Variants in ZRANB1 observed in about 807,000 individuals in gnomAD.
ZRANB1 encodes the protein zinc finger RANBP2-type containing 1.
In ZRANB1, 16 loss-of-function variants were observed where a neutral mutation model predicts 80.5. That is an observed-to-expected ratio of 0.20 (90% CI 0.13 to 0.30). ZRANB1 has a LOEUF of 0.30. Ranked by LOEUF, ZRANB1 falls within the 10% of genes least tolerant of loss-of-function variation. The pLI is 1.00. For synonymous variants in ZRANB1, 291 were observed against 293.1 expected (o/e 0.99, Z 0.07); for missense variants, 576 against 862.6 (o/e 0.67, Z 4.16).
upstream of ZRANB1, chr10:124,940,696 C>A: frequency 2.3e-6 from 1 of 426,690 alleles, no homozygotes; most frequent in Non-Finnish European, 3.9e-6. Context: ...AAGATTTAGG[C>A]CAGGCGTGGT....
At chr10:124,955,100 G>A (rs1951678185) in intron 1 of ZRANB1, among the ~76,000 whole-genome samples, 1 of 150,852 alleles carries the variant, frequency 6.6e-6, no homozygotes, top group South Asian at 2.2e-4. Context: ...CTGCACTCCA[G>A]CCTGGGCCAC....
At chr10:124,919,862 C>T in the ZRANB1 span, among the ~76,000 whole-genome samples, 2 of 148,292 alleles carry the variant, frequency 1.3e-5, no homozygotes, top group Admixed American at 6.7e-5. Flanking sequence ...CCACCCGCCT[C>T]GGCCTCCCAG....
chr10:124,984,947 A>G lies in ZRANB1; in HGVS notation c.2082A>G (p.Thr694=), dbSNP rs375188956. 6.2e-7 allele frequency: 1 copy of G among 1,613,844 alleles called. No homozygotes were observed. The highest frequency in any genetic ancestry group is 8.5e-7 in the Non-Finnish European group (1 of 1,179,976). ...LDRYRQIRPC[T]SLSDGEEDED... ...GCTACCGACAGATCCGGCCGTGTAC[A>G]TCCCTGTCTGATGGAGAGGAAGATG... Residue 694 remains threonine (T), a synonymous_variant, in exon 9 of 9, where the codon ACA becomes ACG. Transcript: ENST00000359653.
chr10:124,978,707 C>T (rs1186461463), intron 5 of ZRANB1, among the ~76,000 whole-genome samples: 1 of 151,848 alleles, frequency 6.6e-6, no homozygotes, highest in Non-Finnish European at 1.5e-5. Context: ...CTCACTGTAA[C>T]CTTATACCTT....
At chr10:124,940,657 G>C, upstream of ZRANB1, 1 of 627,968 alleles carries the variant, frequency 1.6e-6, no homozygotes, top group Admixed American at 2.9e-5. Flanking sequence ...TGGCAGGCAG[G>C]AACATAATAC....
chr10:124,938,232 T>C (rs929225855), upstream of ZRANB1, among the ~76,000 whole-genome samples: 1 of 152,188 alleles, frequency 6.6e-6, no homozygotes, highest in African/African-American at 2.4e-5. Flanking sequence ...TTTGTAATAC[T>C]GCAAAAAAAC....
At chr10:124,923,525 G>A in the ZRANB1 span, among the ~76,000 whole-genome samples, 28 of 152,074 alleles carry the variant, frequency 1.8e-4, no homozygotes, top group African/African-American at 6.3e-4. Context: ...CCAGGAGGTG[G>A]AGGTTGCAGT....
intron 1 of ZRANB1, chr10:124,962,304 C>A: frequency 1.2e-6 from 1 of 833,016 alleles, no homozygotes; most frequent in Non-Finnish European, 1.4e-6. Flanking sequence ...GAAATTGTGC[C>A]AGCCGACTCC....
At chr10:124,975,092 C>T (rs1177604285) in intron 5 of ZRANB1, among the ~76,000 whole-genome samples, 1 of 152,192 alleles carries the variant, frequency 6.6e-6, no homozygotes, top group African/African-American at 2.4e-5. Context: ...AGCTGCCGCA[C>T]CCAGCCTTAT....
chr10:124,976,884 G>T (rs1199770727), intron 5 of ZRANB1, among the ~76,000 whole-genome samples: 2 of 151,704 alleles, frequency 1.3e-5, no homozygotes, highest in Admixed American at 1.3e-4. Flanking sequence ...TTCTTTGGTG[G>T]TAATTTCCTG....
At position 124,942,355 on chromosome 10, in the gene ZRANB1, G is replaced by T; in HGVS notation, c.-139G>T. 1 of 1,445,064 alleles carries T rather than the reference G, an allele frequency of 6.9e-7. No individual in the cohort carries two copies. The allele number at this position is 1,445,064 out of a possible 1,614,324, so 89.5% of individuals were successfully genotyped here. The stretch of plus-strand genomic sequence containing the variant: ...TGTCGAAATGTTGCATGCATCTTTT[G>T]AGAAATTTATATTTTGTAGGTTGAA... On this transcript the variant is annotated 5_prime_UTR_variant, in exon 1 of 9. It introduces an in-frame stop codon into an upstream open reading frame of the 5' UTR. Coordinates refer to ENST00000359653, the MANE Select transcript of ZRANB1 (RefSeq NM_017580.3).
At chr10:124,922,281 A>AATATATATATATATATATGTAAAAT in the ZRANB1 span, among the ~76,000 whole-genome samples, 6 of 87,454 alleles carry the variant, frequency 6.9e-5, no homozygotes, top group African/African-American at 2.6e-4. Flanking sequence ...ATATATGTAA[A>AATATATATATATATATATGTAAAAT]ATATATATAT....
chr10:124,953,415 G>C lies in ZRANB1; in HGVS notation c.814+10108G>C, dbSNP rs185265655. On this transcript the variant is annotated intron_variant, in intron 1 of 8. Transcript: ENST00000359653. The stretch of plus-strand genomic sequence containing the variant: ...TTTCTTTCTGCTGGATATGTTTGGG[G>C]GTTATTACTGGAGCTTTTGAATTAT... Among the ~76,000 whole-genome samples, 289 of 152,154 alleles carry C rather than the reference G, an allele frequency of 1.9e-3. 4 individuals carry two copies. Among genetic ancestry groups the C allele is most frequent in the East Asian group, 4.1e-3 (21 of 5,176 alleles).
Position 124,967,438 on chromosome 10 carries a change from G to A in ZRANB1, c.1002+657G>A, listed in dbSNP as rs547996292. On this transcript the variant is annotated intron_variant, in intron 2 of 8. Transcript: ENST00000359653. ...ATGGCTGAGATGGTGATTGGGAATG[G>A]AGAGAAGGGAAGTCTGAAAGATAAG... 6.6e-5 allele frequency among the ~76,000 whole-genome samples: 10 copies of A among 152,326 alleles called. No homozygotes were observed. The East Asian group carries it at 1.5e-3, about 23-fold the overall frequency.
At chr10:124,938,074 G>A (rs1951503334), upstream of ZRANB1, among the ~76,000 whole-genome samples, 1 of 152,138 alleles carries the variant, frequency 6.6e-6, no homozygotes, top group East Asian at 1.9e-4. Context: ...TTACTTGGGC[G>A]TATGAATATA....
At chr10:124,949,472 C>T (rs1483509568) in intron 1 of ZRANB1, among the ~76,000 whole-genome samples, 3 of 135,976 alleles carry the variant, frequency 2.2e-5, no homozygotes, top group African/African-American at 3.6e-5. Context: ...TTTACACACA[C>T]ATATATGTAT....
the ZRANB1 span, among the ~76,000 whole-genome samples, chr10:124,919,473 G>GGAGGCGGAGGTTGCTGC: frequency 1.3e-5 from 2 of 151,960 alleles, no homozygotes; most frequent in Non-Finnish European, 2.9e-5. Flanking sequence ...CTTGAACGCC[G>GGAGGCGGAGGTTGCTGC]GAGGCGGAGG....
intron 1 of ZRANB1, among the ~76,000 whole-genome samples, chr10:124,963,565 T>G (rs539317861): frequency 4.1e-4 from 56 of 137,718 alleles, no homozygotes; most frequent in East Asian, 1.6e-3. Context: ...TTTTTTTTTT[T>G]TTTTTTTTTT....
chr10:124,945,538 C>T (rs879629933), intron 1 of ZRANB1: 1 of 149,786 alleles, frequency 6.7e-6, no homozygotes, highest in African/African-American at 2.5e-5. Flanking sequence ...GGTTCTTAAC[C>T]TCACAGTGAA....
Sources: gnomAD v4.1 joint callset for allele counts (sites outside exome capture counted in the v4.1 genomes callset) on GRCh38, gnomAD v4.1.1 for gene constraint, MANE v1.5 for transcripts, NCBI Gene and HGNC (gene_info 2026-07-23, HGNC 2026-07-21) for gene names.